CCDC80: variants seen among roughly 807,000 people sequenced by gnomAD.
The protein encoded by CCDC80 is coiled-coil domain-containing protein 80.
CCDC80 carries 49 observed loss-of-function variants against 78.7 expected under a neutral mutation model. That is an observed-to-expected ratio of 0.62 (90% confidence interval 0.50 to 0.79). CCDC80 has a LOEUF of 0.79. Ranked by LOEUF, CCDC80 falls within the 30% of genes least tolerant of loss-of-function variation. CCDC80 has a pLI of 0.00. For synonymous variants in CCDC80, 488 were observed against 447.0 expected (o/e 1.09, Z -1.16); for missense variants, 1,205 against 1,198.6 (o/e 1.01, Z -0.08).
intron 6 of CCDC80, 53 bp from the exon 7 acceptor site, chr3:112,607,309 T>C (rs1935533264): frequency 7.3e-7 from 1 of 1,370,946 alleles, no homozygotes; most frequent in African/African-American, 1.5e-5. Flanking sequence ...GAAGTTATCT[T>C]TTACTTCAAA....
chr3:112,600,325 GCTAA>G lies in CCDC80; in HGVS notation c.*5088_*5091del, dbSNP rs558239700. On this transcript the variant is annotated 3_prime_UTR_variant, in exon 8 of 8. Transcript: ENST00000206423. ...AGAGGAAGAAAAGCTCAGATGCATT[GCTAA>G]CTATTATTTCAATGCCAGTGGAACT... The G allele has an allele frequency of 7.2e-5, 11 of 152,270 alleles. No individual in the cohort carries two copies. In the East Asian group the frequency reaches 2.1e-3, roughly 29 times the overall value. The allele number at this position is 152,270 out of a possible 1,614,324, so 9.4% of individuals were successfully genotyped here.
At chr3:112,631,914 T>A (rs948719568) in intron 2 of CCDC80, among the ~76,000 whole-genome samples, 1 of 152,224 alleles carries the variant, frequency 6.6e-6, no homozygotes, top group Non-Finnish European at 1.5e-5. Context: ...AGATCATAAT[T>A]AATTTTAAAT....
At position 112,626,877 on chromosome 3, in the gene CCDC80, G is replaced by A. The variant is rs923749702; in HGVS notation, c.2035+3236C>T. On this transcript the variant is annotated intron_variant, in intron 3 of 7. Transcript: ENST00000206423. ...ATTCTCATTTTAAAAATTGACTTATGAAGTCATTAGATAGTAAGAAATCAA... is the reference window on the plus strand; with the variant it reads ...ATTCTCATTTTAAAAATTGACTTATAAAGTCATTAGATAGTAAGAAATCAA... Among the ~76,000 whole-genome samples, 6 of 152,104 alleles carry A rather than the reference G, an allele frequency of 3.9e-5. No individual in the cohort carries two copies. In the South Asian group the frequency reaches 1.0e-3, roughly 26 times the overall value.
intron 2 of CCDC80, among the ~76,000 whole-genome samples, chr3:112,632,478 G>T (rs971685117): frequency 6.6e-6 from 1 of 152,112 alleles, no homozygotes; most frequent in Admixed American, 6.5e-5. Context: ...TTCATACATA[G>T]ATTCCATTTC....
chr3:112,627,124 ATTTCCCCCCACTTC>A (rs1234572242), intron 3 of CCDC80, among the ~76,000 whole-genome samples: 1 of 152,152 alleles, frequency 6.6e-6, no homozygotes, highest in African/African-American at 2.4e-5. Context: ...CTTGCTGTGC[ATTTCCCCCCACTTC>A]TTTTTTCATT....
chr3:112,610,124 A>G, intron 5 of CCDC80, 43 bp from the exon 6 acceptor site: 1 of 1,528,968 alleles, frequency 6.5e-7, no homozygotes, highest in African/African-American at 1.4e-5. Context: ...TACTGCTTCA[A>G]ACAATAAAAA....
At chr3:112,613,706 G>C (rs942172887) in intron 5 of CCDC80, among the ~76,000 whole-genome samples, 2 of 152,116 alleles carry the variant, frequency 1.3e-5, no homozygotes, top group Non-Finnish European at 2.9e-5. Context: ...CTGGTTTTAA[G>C]TAACATCAAT....
chr3:112,618,671 G>A (rs570254725), intron 4 of CCDC80, among the ~76,000 whole-genome samples: 3 of 152,128 alleles, frequency 2.0e-5, no homozygotes, highest in East Asian at 3.8e-4. Flanking sequence ...CCAGGACCTC[G>A]CACATCATAG....
chr3:112,609,932 A>G (rs758649316), intron 6 of CCDC80, 46 bp downstream of exon 6: 2 of 1,309,456 alleles, frequency 1.5e-6, no homozygotes, highest in Admixed American at 3.6e-5. Flanking sequence ...ATTGACCAGG[A>G]GGAGAGTGGT....
chr3:112,628,080 A>G (rs1936015853), intron 3 of CCDC80, among the ~76,000 whole-genome samples: 1 of 152,190 alleles, frequency 6.6e-6, no homozygotes, highest in Non-Finnish European at 1.5e-5. Context: ...TAGGTAACAC[A>G]TTTGACACTG....
intron 2 of CCDC80, among the ~76,000 whole-genome samples, chr3:112,634,758 C>T (rs896669320): frequency 1.3e-5 from 2 of 152,180 alleles, no homozygotes; most frequent in African/African-American, 4.8e-5. Flanking sequence ...GTTTCCCCTT[C>T]ACTTTATGGC....
Position 112,639,544 on chromosome 3 carries a change from T to G in CCDC80, c.362A>C (p.Glu121Ala), listed in dbSNP as rs367554566. 3.0e-5 allele frequency: 48 copies of G among 1,614,016 alleles called. No individual in the cohort carries two copies. The African/African-American group carries it at 5.2e-4, about 18-fold the overall frequency. Residue 121 changes from glutamate (E) to alanine (A), a missense_variant, in exon 2 of 8, where the codon GAG becomes GCG. Coordinates refer to ENST00000206423, the MANE Select transcript of CCDC80 (RefSeq NM_199511.3). ...RGSPREMIRDEGSSARSRMLR... is the reference protein window; with the variant it reads ...RGSPREMIRDAGSSARSRMLR... Reference sequence around the variant, plus strand: ...CATTCTTGACCGAGCTGAGGACCCCTCATCTCTGATCATCTCACGCGGAGA... The same window carrying G: ...CATTCTTGACCGAGCTGAGGACCCCGCATCTCTGATCATCTCACGCGGAGA...
chr3:112,630,100 T>C lies in CCDC80; in HGVS notation c.2035+13A>G, dbSNP rs201660792. Reference sequence around the variant, plus strand: ...GAGAAAAACAATAATATAATTAAAATGTTTAAGAGAACCTAGCTGAAAGTG... The same window carrying C: ...GAGAAAAACAATAATATAATTAAAACGTTTAAGAGAACCTAGCTGAAAGTG... On this transcript the variant is annotated intron_variant, in intron 3 of 7. Coordinates refer to ENST00000206423, the MANE Select transcript of CCDC80 (RefSeq NM_199511.3). 2 of 1,611,474 alleles carry C rather than the reference T, an allele frequency of 1.2e-6. No individual in the cohort carries two copies. Among genetic ancestry groups the C allele is most frequent in the Non-Finnish European group, 1.7e-6 (2 of 1,178,146 alleles).
chr3:112,621,654 G>A (rs1440881362), intron 3 of CCDC80, among the ~76,000 whole-genome samples: 1 of 152,190 alleles, frequency 6.6e-6, no homozygotes, highest in Non-Finnish European at 1.5e-5. Context: ...TAAGGAAACT[G>A]TAGTGGACAC....
intron 5 of CCDC80, among the ~76,000 whole-genome samples, chr3:112,612,865 A>ATTTTT (rs5851854): frequency 2.3e-5 from 3 of 129,774 alleles, no homozygotes; most frequent in African/African-American, 8.8e-5. Context: ...CAGGACTGTA[A>ATTTTT]TTTTTTTTTT....
chr3:112,615,782 A>G (rs55987232), intron 5 of CCDC80, among the ~76,000 whole-genome samples: 16,000 of 152,184 alleles, frequency 0.11, 966 homozygotes, highest in South Asian at 0.26. Context: ...CCTCACTGCT[A>G]CACTCCCACC....
intron 3 of CCDC80, 87 bp downstream of exon 3, chr3:112,630,026 T>C: frequency 4.0e-6 from 5 of 1,257,760 alleles, no homozygotes; most frequent in Non-Finnish European, 5.6e-6. Context: ...TCATTTTCTT[T>C]TGGATCCCCC....
chr3:112,623,563 T>A (rs1352539962), intron 3 of CCDC80, among the ~76,000 whole-genome samples: 1 of 152,184 alleles, frequency 6.6e-6, no homozygotes, highest in East Asian at 1.9e-4. Context: ...AATTCTTGGA[T>A]CCAGATCAAT....
chr3:112,616,789 T>C lies in CCDC80; in HGVS notation c.2242A>G (p.Lys748Glu). 6.2e-7 allele frequency: 1 copy of C among 1,614,230 alleles called. No homozygotes were observed. Among genetic ancestry groups the C allele is most frequent in the Non-Finnish European group, 8.5e-7 (1 of 1,180,028 alleles). Residue 748 changes from lysine to glutamate, a missense_variant, in exon 5 of 8, where the codon AAA (lysine) becomes GAA (glutamate). Coordinates refer to ENST00000206423, the MANE Select transcript of CCDC80 (RefSeq NM_199511.3). ...TCCTTCTTCTGCTTCTCCATATCTT[T>C]GATTCGGGACTGGAAAGTATCGATC... The part of the protein sequence containing the change: ...DLIDTFQSRI[K>E]DMEKQKKEGI...
Sources: allele counts gnomAD v4.1 joint callset (sites outside exome capture counted in the v4.1 genomes callset), GRCh38; gene constraint gnomAD v4.1.1; transcripts MANE v1.5; gene names NCBI Gene and HGNC (gene_info 2026-07-23, HGNC 2026-07-21).